Variants in GPC1 observed in about 807,000 individuals in gnomAD.
GPC1 encodes glypican 1.
In GPC1, 26 loss-of-function variants were observed where a neutral mutation model predicts 51.5. The ratio of observed to expected loss-of-function variants is 0.50; its 90% CI spans 0.37 to 0.70. The LOEUF is 0.70. Among genes scored for constraint, GPC1 ranks in the 30% least tolerant of loss-of-function variants. The pLI, the probability that GPC1 is intolerant of heterozygous loss-of-function variation, is 0.00. For synonymous variants in GPC1, 380 were observed against 348.3 expected, an observed-to-expected ratio of 1.09 and a Z score of -1.01; for missense variants, 775 against 800.5, an observed-to-expected ratio of 0.97 and a Z score of 0.38.
At position 240,462,175 on chromosome 2, in the gene GPC1, C is replaced by T. The variant is rs775996892; in HGVS notation, c.326-16C>T. The T allele has an allele frequency of 1.9e-6, 3 of 1,561,892 alleles. No homozygotes were observed. Among genetic ancestry groups the T allele is most frequent in the East Asian group, 2.3e-5 (1 of 43,882 alleles). ...GGGGAAACATGGTCCCGATCACGCC[C>T]CCTCCCTGTGCGCAGACCACTTCCA... On this transcript the variant is annotated splice_polypyrimidine_tract_variant and intron_variant, in intron 2 of 8. Coordinates refer to ENST00000264039, the MANE Select transcript of GPC1 (RefSeq NM_002081.3).
intron 1 of GPC1, chr2:240,451,395 C>T (rs2151790021): frequency 2.5e-6 from 1 of 398,474 alleles, no homozygotes; most frequent in Non-Finnish European, 5.3e-6. Context: ...GCCTGTGGCC[C>T]CTGCAGTGGG....
At chr2:240,461,417 A>G (rs2074213880) in intron 2 of GPC1, among the ~76,000 whole-genome samples, 3 of 152,208 alleles carry the variant, frequency 2.0e-5, no homozygotes. Flanking sequence ...CTGAGCAGTT[A>G]CAGACCTGGA....
intron 1 of GPC1, chr2:240,452,924 CT>C: frequency 3.3e-6 from 1 of 304,706 alleles, no homozygotes. Flanking sequence ...CCTGCGAGCC[CT>C]TCCGCCCGGC....
intron 2 of GPC1, among the ~76,000 whole-genome samples, chr2:240,460,950 C>T (rs1304267073): frequency 6.6e-6 from 1 of 152,156 alleles, no homozygotes; most frequent in African/African-American, 2.4e-5. Context: ...GGCTGGACCT[C>T]TGGTTGCTGT....
At chr2:240,447,240 C>T (rs1027323321) in intron 1 of GPC1, among the ~76,000 whole-genome samples, 2 of 152,162 alleles carry the variant, frequency 1.3e-5, no homozygotes, top group African/African-American at 4.8e-5. Context: ...CCCCCATGTT[C>T]GTTCCTCCCT....
intron 1 of GPC1, chr2:240,457,555 C>G: frequency 2.2e-6 from 1 of 447,528 alleles, no homozygotes; most frequent in South Asian, 1.6e-5. Context: ...GGTGACTTCT[C>G]TTGCAGTAAG....
rs1040153776 is a variant in GPC1, at chr2:240,448,566, C to G, written c.167-10464C>G. Among the ~76,000 whole-genome samples the G allele has an allele frequency of 6.6e-6, 1 of 152,090 alleles. No individual in the cohort carries two copies. Among genetic ancestry groups the G allele is most frequent in the African/African-American group, 2.4e-5 (1 of 41,404 alleles). Reference sequence around the variant, plus strand: ...GGGAAATGGGTGGGAGTCACGGAGGCAGGGGGCCCCCATTCCCACCTGCTC... The same window carrying G: ...GGGAAATGGGTGGGAGTCACGGAGGGAGGGGGCCCCCATTCCCACCTGCTC... On this transcript the variant is annotated intron_variant, in intron 1 of 8. Coordinates refer to ENST00000264039, the MANE Select transcript of GPC1 (RefSeq NM_002081.3). This position sits in a 1 kb window ranked among gnomAD's most constrained non-coding sequence, Gnocchi z 4.5.
chr2:240,444,627 G>T (rs965390495), intron 1 of GPC1, among the ~76,000 whole-genome samples: 1 of 149,950 alleles, frequency 6.7e-6, no homozygotes, highest in African/African-American at 2.4e-5. Flanking sequence ...TCTGTGGCCT[G>T]TGCGCACCTT....
At chr2:240,455,984 C>T (rs1430977992) in intron 1 of GPC1, 1 of 426,632 alleles carries the variant, frequency 2.3e-6, no homozygotes, top group Non-Finnish European at 4.8e-6. Flanking sequence ...TGCGTCCAGC[C>T]TGCCGGGGGC....
intron 4 of GPC1, 171 bp from the exon 5 acceptor site, chr2:240,464,445 G>T: frequency 9.1e-6 from 7 of 765,282 alleles, no homozygotes; most frequent in Non-Finnish European, 1.5e-5. Context: ...GAGTGCACGT[G>T]GCCTGCACAT....
In GPC1 at chr2:240,462,386, T is replaced by A; in HGVS notation, c.521T>A (p.Leu174His). 6.3e-7 allele frequency: 1 copy of A among 1,596,292 alleles called. No homozygotes were observed. Among genetic ancestry groups the A allele is most frequent in the African/African-American group, 1.3e-5 (1 of 74,568 alleles). The change falls in exon 3 of 9, where the codon CTC becomes CAC. Residue 174 changes from leucine to histidine, a missense_variant. Physicochemically the swap from Leu to His is moderately conservative, Grantham distance 99. Transcript: ENST00000264039. ...TTCTGGGCCCGCCTGCTCGAGCGCC[T>A]CTTCAAGCAGCTGCACCCCCAGCTG... The part of the protein sequence containing the change: ...AEFWARLLER[L>H]FKQLHPQLLL...
intron 1 of GPC1, chr2:240,456,101 C>T (rs571159754): frequency 4.1e-4 from 120 of 291,648 alleles, no homozygotes; most frequent in African/African-American, 2.6e-3. Flanking sequence ...CAACGCAGGT[C>T]GCCGGGCCGG....
chr2:240,465,276 C>A, intron 7 of GPC1, 66 bp downstream of exon 7: 2 of 1,516,546 alleles, frequency 1.3e-6, no homozygotes, highest in Non-Finnish European at 1.8e-6. Flanking sequence ...GTGCCTGGGC[C>A]AGGTGCTGTC....
chr2:240,452,673 G>C (rs1389163472), intron 1 of GPC1: 1 of 151,884 alleles, frequency 6.6e-6, no homozygotes, highest in South Asian at 2.0e-4. Flanking sequence ...GCGGGCGCAG[G>C]GCGGCGGGGA....
chr2:240,454,124 T>A (rs1017213460), intron 1 of GPC1, among the ~76,000 whole-genome samples: 22 of 151,036 alleles, frequency 1.5e-4, no homozygotes, highest in Non-Finnish European at 1.3e-4. Flanking sequence ...ATGGGGTGAG[T>A]CTGGGGGCCG....
At chr2:240,442,753 A>G (rs1433602148) in intron 1 of GPC1, among the ~76,000 whole-genome samples, 1 of 152,300 alleles carries the variant, frequency 6.6e-6, no homozygotes, top group East Asian at 1.9e-4. Context: ...AGCCCGGCAC[A>G]CCTACATCTT....
intron 1 of GPC1, among the ~76,000 whole-genome samples, chr2:240,437,351 C>T (rs2073990528): frequency 6.6e-6 from 1 of 152,130 alleles, no homozygotes; most frequent in Admixed American, 6.5e-5. Context: ...GGTGGATCTC[C>T]CGATGCCCCC....
chr2:240,451,274 C>T (rs923816663), intron 1 of GPC1: 32 of 470,722 alleles, frequency 6.8e-5, no homozygotes, highest in African/African-American at 4.2e-4. Flanking sequence ...GCCTGCGCGG[C>T]GTCTTTGTGG....
intron 1 of GPC1, chr2:240,450,825 G>T: frequency 4.3e-6 from 2 of 466,476 alleles, no homozygotes; most frequent in Admixed American, 4.8e-5. Context: ...TGCCAGGTAG[G>T]GAGGCAGGAG....
Sources: gnomAD v4.1 joint callset for allele counts (sites outside exome capture counted in the v4.1 genomes callset) on GRCh38, gnomAD v4.1.1 for gene constraint, Gnocchi (gnomAD v3.1) non-coding constraint, MANE v1.5 for transcripts, NCBI Gene and HGNC (gene_info 2026-07-23, HGNC 2026-07-21) for gene names.